The following ARHGAP40 variants were observed in gnomAD, a reference collection of about 807,000 sequenced individuals.
The protein encoded by ARHGAP40 is Rho GTPase activating protein 40, also known as rho GTPase-activating protein 40.
In ARHGAP40, 43 loss-of-function variants were observed where a neutral mutation model predicts 73.5. The observed-to-expected ratio is 0.58, with a 90% CI of 0.46 to 0.75. The LOEUF (loss-of-function observed/expected upper bound fraction) is 0.75. ARHGAP40 is among the 30% of genes least tolerant of loss of function. ARHGAP40 has a pLI of 0.00. For missense variants in ARHGAP40, 734 were observed against 861.8 expected (o/e 0.85, Z 1.86); for synonymous variants, 300 against 352.8 (o/e 0.85, Z 1.68).
intron 3 of ARHGAP40, among the ~76,000 whole-genome samples, chr20:38,628,302 C>T (rs778752203): frequency 4.8e-5 from 7 of 147,268 alleles, no homozygotes; most frequent in Non-Finnish European, 9.0e-5. Context: ...ATTATCAGTA[C>T]AAAATCCTTT....
Position 38,643,697 on chromosome 20 carries a change from T to C in ARHGAP40, c.1363-7T>C. 7.7e-7 allele frequency: 1 copy of C among 1,305,512 alleles called. No individual in the cohort carries two copies. Among genetic ancestry groups the C allele is most frequent in the Non-Finnish European group, 1.0e-6 (1 of 988,938 alleles). 80.9% of individuals were successfully genotyped at this position (1,305,512 alleles called of 1,614,324 possible). ...AGATTTGAGGGAGGCTCTGCACCCT[T>C]CCCTAGGCACTGCTGGAATTCCTCA... On this transcript the variant is annotated splice_polypyrimidine_tract_variant and splice_region_variant and intron_variant, in intron 10 of 14. Coordinates refer to ENST00000373345, the Ensembl canonical transcript of ARHGAP40.
At chr20:38,616,654 T>C (rs542273004) in intron 1 of ARHGAP40, among the ~76,000 whole-genome samples, 4 of 152,372 alleles carry the variant, frequency 2.6e-5, no homozygotes, top group Admixed American at 1.3e-4. Context: ...TTTATCGCTG[T>C]GCCTCTGTTT....
At chr20:38,635,121 C>T (rs1375489617) in intron 6 of ARHGAP40, among the ~76,000 whole-genome samples, 1 of 152,070 alleles carries the variant, frequency 6.6e-6, no homozygotes, top group Non-Finnish European at 1.5e-5. Flanking sequence ...ACCTCGTGAT[C>T]TGCCTGCCTC....
chr20:38,609,931 A>C (rs1053649546), intron 1 of ARHGAP40, among the ~76,000 whole-genome samples: 3 of 152,212 alleles, frequency 2.0e-5, no homozygotes, highest in African/African-American at 7.2e-5. Context: ...TTGAGTGCGT[A>C]ATGGAAGAGT....
chr20:38,605,702 T>A (rs549466809), intron 1 of ARHGAP40, among the ~76,000 whole-genome samples: 2 of 152,334 alleles, frequency 1.3e-5, no homozygotes, highest in South Asian at 4.1e-4. Context: ...TAAGTGTACA[T>A]CCTATAGGAT....
intron 13 of ARHGAP40, 28 bp from the exon 14 acceptor site, chr20:38,648,613 GTT>G: frequency 9.3e-7 from 1 of 1,071,986 alleles, no homozygotes; most frequent in Non-Finnish European, 1.2e-6. Context: ...AAAGGCAGTA[GTT>G]TTTTTTTTCT....
intron 10 of ARHGAP40, among the ~76,000 whole-genome samples, chr20:38,642,171 G>A (rs1401329427): frequency 1.3e-5 from 2 of 152,232 alleles, no homozygotes; most frequent in Non-Finnish European, 2.9e-5. Flanking sequence ...GAATCTCCAA[G>A]TGGGATTAGA....
At chr20:38,606,171 C>T (rs1481063110) in intron 1 of ARHGAP40, among the ~76,000 whole-genome samples, 1 of 152,190 alleles carries the variant, frequency 6.6e-6, no homozygotes, top group Non-Finnish European at 1.5e-5. Flanking sequence ...TTACGTTATC[C>T]TCTTTAAAGA....
chr20:38,621,081 A>G (rs2088871040), intron 1 of ARHGAP40, among the ~76,000 whole-genome samples: 1 of 152,154 alleles, frequency 6.6e-6, no homozygotes, highest in African/African-American at 2.4e-5. Context: ...TAGGTCCTGG[A>G]TTACACCTCC....
chr20:38,639,388 TG>T lies in ARHGAP40; in HGVS notation c.1279+3del. The T allele has an allele frequency of 7.7e-7, 1 of 1,305,456 alleles. No homozygotes were observed. Among genetic ancestry groups the T allele is most frequent in the Non-Finnish European group, 1.0e-6 (1 of 988,946 alleles). The allele number at this position is 1,305,456 out of a possible 1,614,324, so 80.9% of individuals were successfully genotyped here. On this transcript the variant is annotated splice_donor_region_variant and intron_variant, in intron 9 of 14. Transcript: ENST00000373345. ...TCCCGGCCTTCGCCGTGGTGCCTAG[TG>T]AGTGTGCCCAAGCCCTTAGCCTGTG...
At chr20:38,649,886 C>A (rs1802614738) in exon 15 of ARHGAP40, 1 of 1,252,468 alleles carries the variant, frequency 8.0e-7, no homozygotes, top group African/African-American at 1.5e-5. Context: ...ATGCCTCCTC[C>A]TCTCCCCTGC....
At chr20:38,641,772 C>A (rs867718664) in exon 10 of ARHGAP40, 1 of 1,295,742 alleles carries the variant, frequency 7.7e-7, no homozygotes, top group South Asian at 1.3e-5. Flanking sequence ...ACCTGCTCAT[C>A]CTCATCCTCC....
At chr20:38,619,111 T>G (rs563413411) in intron 1 of ARHGAP40, among the ~76,000 whole-genome samples, 2 of 152,254 alleles carry the variant, frequency 1.3e-5, no homozygotes, top group African/African-American at 4.8e-5. Flanking sequence ...AAGGTTGTAT[T>G]TGAGGAAGTG....
intron 1 of ARHGAP40, among the ~76,000 whole-genome samples, chr20:38,605,236 G>A (rs931770082): frequency 6.6e-6 from 1 of 152,212 alleles, no homozygotes. Flanking sequence ...TGAATGAAAT[G>A]CTCACTGCCT....
intron 2 of ARHGAP40, among the ~76,000 whole-genome samples, chr20:38,625,665 C>T (rs2088895117): frequency 6.6e-6 from 1 of 152,264 alleles, no homozygotes; most frequent in Middle Eastern, 3.4e-3. Flanking sequence ...GTGATCTGCC[C>T]ACCTTGGCCT....
chr20:38,642,389 A>T (rs538441683), intron 10 of ARHGAP40, among the ~76,000 whole-genome samples: 1 of 152,314 alleles, frequency 6.6e-6, no homozygotes, highest in South Asian at 2.1e-4. Context: ...TGCCTCCAGG[A>T]TCAGCCTGAG....
Position 38,608,451 on chromosome 20 carries a change from T to TTGG in ARHGAP40, c.137+6374_137+6376dup, listed in dbSNP as rs200227130. On this transcript the variant is annotated intron_variant, in intron 1 of 14. Coordinates refer to ENST00000373345, the Ensembl canonical transcript of ARHGAP40. ...AGGACTGTTGGCTGCTGGCTGCTCG[T>TTGG]TGGTCGGAAGGCAGCCTTGTGTTTT... Among the ~76,000 whole-genome samples the TTGG allele has an allele frequency of 2.6e-3, 403 of 152,276 alleles. 3 individuals carry two copies. The highest frequency in any genetic ancestry group is 9.1e-3 in the African/African-American group (378 of 41,578).
At chr20:38,648,839 AC>A in intron 14 of ARHGAP40, 141 bp downstream of exon 14, 1 of 564,408 alleles carries the variant, frequency 1.8e-6, no homozygotes, top group Non-Finnish European at 2.8e-6. Context: ...CTTCAATGAA[AC>A]CAGGTGGAGT....
chr20:38,624,427 G>A (rs1209253055), intron 2 of ARHGAP40, among the ~76,000 whole-genome samples: 1 of 152,176 alleles, frequency 6.6e-6, no homozygotes, highest in African/African-American at 2.4e-5. Flanking sequence ...ATGTTCAAGG[G>A]GAGGGGAATT....
Sources: allele counts gnomAD v4.1 joint callset (sites outside exome capture counted in the v4.1 genomes callset), GRCh38; gene constraint gnomAD v4.1.1; transcripts MANE v1.5; gene names NCBI Gene and HGNC (gene_info 2026-07-23, HGNC 2026-07-21).